The following ANO3 variants were observed in gnomAD, a reference collection of about 807,000 sequenced individuals.
ANO3 encodes anoctamin-3.
ANO3 carries 99 observed loss-of-function variants against 144.8 expected under a neutral mutation model. The ratio of observed to expected loss-of-function variants is 0.68; its 90% confidence interval spans 0.58 to 0.81. The LOEUF (loss-of-function observed/expected upper bound fraction) is 0.81. Among genes scored for constraint, ANO3 ranks in the 30% least tolerant of loss-of-function variants. The pLI, the probability that ANO3 is intolerant of heterozygous loss-of-function variation, is 0.00. For missense variants in ANO3, 905 were observed against 1,202.2 expected (o/e 0.75, Z 3.66); for synonymous variants, 414 against 392.6 (o/e 1.05, Z -0.64).
intron 1 of ANO3, among the ~76,000 whole-genome samples, chr11:26,196,794 C>G (rs1227619367): frequency 3.3e-5 from 5 of 152,024 alleles, no homozygotes; most frequent in Admixed American, 1.3e-4. Flanking sequence ...AATTTTATCA[C>G]CAAAAAAGGT....
In ANO3 at chr11:26,245,756, G is replaced by A. The variant is rs548717428; in HGVS notation, c.154+56426G>A. ...AGAGTGATTACCCAATATCCCGATTGGGTACAGATGTTTATATACCCTACT... is the reference window on the plus strand; with the variant it reads ...AGAGTGATTACCCAATATCCCGATTAGGTACAGATGTTTATATACCCTACT... On this transcript the variant is annotated intron_variant, in intron 1 of 27. Coordinates refer to the ANO3 transcript ENST00000672621. Among the ~76,000 whole-genome samples the A allele has an allele frequency of 5.3e-5, 8 of 152,248 alleles. No individual in the cohort carries two copies. In the South Asian group the frequency reaches 1.5e-3, roughly 28 times the overall value.
Position 26,660,638 on chromosome 11 carries a change from A to T in ANO3, c.*194A>T. On this transcript the variant is annotated 3_prime_UTR_variant, in exon 27 of 27. Coordinates refer to ENST00000256737, the MANE Select transcript of ANO3 (RefSeq NM_031418.4). ...TAGGGAAGAAAACAATGACTTGACG[A>T]CCTTAAAAAGGGTTAGATTGACATT... The T allele has an allele frequency of 1.9e-6, 1 of 534,026 alleles. No individual in the cohort carries two copies. The highest frequency in any genetic ancestry group is 3.2e-4 in the Middle Eastern group (1 of 3,080). 33.1% of individuals were successfully genotyped at this position (534,026 alleles called of 1,614,324 possible).
chr11:26,281,332 T>A (rs1433434003), intron 1 of ANO3, among the ~76,000 whole-genome samples: 1 of 152,110 alleles, frequency 6.6e-6, no homozygotes, highest in Non-Finnish European at 1.5e-5. Flanking sequence ...CATTTCCTAA[T>A]CATATTCACG....
At chr11:26,620,761 A>G (rs1364851175) in intron 17 of ANO3, among the ~76,000 whole-genome samples, 1 of 152,188 alleles carries the variant, frequency 6.6e-6, no homozygotes, top group Non-Finnish European at 1.5e-5. Flanking sequence ...GAAGGCCTCA[A>G]AGTACACCTA....
chr11:26,507,166 A>G lies in ANO3; in HGVS notation c.433-938A>G, dbSNP rs565138540. 9.9e-5 allele frequency among the ~76,000 whole-genome samples: 15 copies of G among 152,252 alleles called. No homozygotes were observed. In the South Asian group the frequency reaches 3.1e-3, roughly 32 times the overall value. ...GCAATGTACTGGAAAAGCCCCCCTA[A>G]GAGGACCATGAGGAAAATGTGTTGA... is the stretch of plus-strand genomic sequence containing the variant. On this transcript the variant is annotated intron_variant, in intron 4 of 26. Transcript: ENST00000256737.
At chr11:26,385,694 C>G (rs1305318363) in intron 1 of ANO3, among the ~76,000 whole-genome samples, 3 of 151,970 alleles carry the variant, frequency 2.0e-5, no homozygotes, top group Non-Finnish European at 2.9e-5. Context: ...TATTCCTCTT[C>G]ACATCTCAAG....
intron 4 of ANO3, among the ~76,000 whole-genome samples, chr11:26,490,926 C>G (rs944491219): frequency 6.6e-6 from 1 of 152,086 alleles, no homozygotes; most frequent in Non-Finnish European, 1.5e-5. Context: ...CTTTTTCATT[C>G]TTTATTCCTA....
chr11:26,194,439 GGTGTGTGTGTGTGTGTGT>G (rs1161631402), intron 1 of ANO3, among the ~76,000 whole-genome samples: 6 of 60,584 alleles, frequency 9.9e-5, no homozygotes, highest in South Asian at 5.8e-4. Flanking sequence ...GGTACATAGT[GGTGTGTGTGTGTGTGTGT>G]GTGTGTGTGT....
At chr11:26,514,280 T>C (rs534164005) in intron 5 of ANO3, among the ~76,000 whole-genome samples, 10 of 152,126 alleles carry the variant, frequency 6.6e-5, no homozygotes, top group African/African-American at 2.2e-4. Flanking sequence ...AAAGATGAAT[T>C]GAGTAGACAA....
At chr11:26,361,880 T>A (rs1356869283) in intron 1 of ANO3, among the ~76,000 whole-genome samples, 1 of 152,180 alleles carries the variant, frequency 6.6e-6, no homozygotes, top group Admixed American at 6.5e-5. Flanking sequence ...AAAATGCTTT[T>A]TGTTCTTTTC....
chr11:26,609,744 G>GAT (rs1272673258), intron 17 of ANO3, among the ~76,000 whole-genome samples: 2 of 152,024 alleles, frequency 1.3e-5, no homozygotes, highest in Non-Finnish European at 2.9e-5. Flanking sequence ...CATTTCTTTG[G>GAT]ATATATACCC....
At chr11:26,460,424 G>A (rs1238197246) in intron 3 of ANO3, among the ~76,000 whole-genome samples, 1 of 51,854 alleles carries the variant, frequency 1.9e-5, no homozygotes, top group Non-Finnish European at 5.0e-5. Context: ...AAGAAAGGGG[G>A]GGGGGCGGGC....
intron 4 of ANO3, among the ~76,000 whole-genome samples, chr11:26,497,754 G>A (rs1019920026): frequency 6.6e-6 from 1 of 152,074 alleles, no homozygotes; most frequent in Non-Finnish European, 1.5e-5. Flanking sequence ...GCAATGCATT[G>A]AAATCATGTT....
chr11:26,647,512 C>T (rs921132088), intron 23 of ANO3, among the ~76,000 whole-genome samples, 197 bp from the exon 24 acceptor site: 3 of 152,094 alleles, frequency 2.0e-5, no homozygotes, highest in Admixed American at 6.6e-5. Context: ...TCTTTCTAGA[C>T]GAGATATATC....
chr11:26,529,792 T>C (rs2134180199), intron 7 of ANO3, among the ~76,000 whole-genome samples: 1 of 152,164 alleles, frequency 6.6e-6, no homozygotes, highest in Non-Finnish European at 1.5e-5. Flanking sequence ...ATAGCTTTCT[T>C]CTGTTTCTAT....
chr11:26,603,977 C>A (rs1263827449), intron 17 of ANO3, among the ~76,000 whole-genome samples: 2 of 152,084 alleles, frequency 1.3e-5, no homozygotes, highest in African/African-American at 4.8e-5. Flanking sequence ...TCTTTTCTAG[C>A]TATTTTGTAA....
intron 3 of ANO3, among the ~76,000 whole-genome samples, chr11:26,453,541 A>G (rs918566643): frequency 5.3e-5 from 8 of 152,154 alleles, no homozygotes; most frequent in African/African-American, 1.4e-4. Flanking sequence ...TATCCTAAAT[A>G]TATATGCACC....
In ANO3 at chr11:26,542,047, A is replaced by C. The variant is rs373979616; in HGVS notation, c.1133A>C (p.His378Pro). The stretch of plus-strand genomic sequence containing the variant: ...GCACGCTGGGGAATGTGGTATAAGC[A>C]TCAGCCTCTGGATTTAATCAGGTAC... ...RWARWGMWYKHQPLDLIRLYF... is the reference protein window; with the variant it reads ...RWARWGMWYKPQPLDLIRLYF... The change falls in exon 11 of 27, where the codon CAT (histidine) becomes CCT (proline). Residue 378 changes from histidine to proline, a missense_variant. His to Pro is a moderately conservative substitution (Grantham distance 77). Coordinates refer to ENST00000256737, the MANE Select transcript of ANO3 (RefSeq NM_031418.4). The C allele has an allele frequency of 6.2e-7, 1 of 1,611,732 alleles. No individual in the cohort carries two copies. Among genetic ancestry groups the C allele is most frequent in the Non-Finnish European group, 8.5e-7 (1 of 1,178,768 alleles).
intron 11 of ANO3, among the ~76,000 whole-genome samples, chr11:26,547,109 A>T (rs1183097664): frequency 6.6e-6 from 1 of 151,844 alleles, no homozygotes; most frequent in East Asian, 1.9e-4. Flanking sequence ...CTGTGATGTG[A>T]AAAAATGAAA....
Sources: gnomAD v4.1 joint callset for allele counts (sites outside exome capture counted in the v4.1 genomes callset) on GRCh38, gnomAD v4.1.1 for gene constraint, MANE v1.5 for transcripts, NCBI Gene and HGNC (gene_info 2026-07-23, HGNC 2026-07-21) for gene names.